Variants in SEC11C observed in about 807,000 individuals in gnomAD.
SEC11C encodes SEC11 homolog C, signal peptidase complex subunit.
SEC11C carries 10 observed loss-of-function variants against 21.9 expected under a neutral mutation model. The ratio of observed to expected loss-of-function variants is 0.46; its 90% CI spans 0.28 to 0.77. SEC11C has a LOEUF of 0.77. Ranked by LOEUF, SEC11C falls within the 30% of genes least tolerant of loss-of-function variation. The probability of loss-of-function intolerance (pLI) is 0.12; values close to 1 mark genes in which losing one functional copy is unlikely to be tolerated. For synonymous variants in SEC11C, 83 were observed against 85.6 expected (o/e 0.97, Z 0.17); for missense variants, 145 against 244.5 (o/e 0.59, Z 2.71).
intron 1 of SEC11C, among the ~76,000 whole-genome samples, chr18:59,141,228 T>C (rs1030912149): frequency 6.6e-6 from 1 of 152,224 alleles, no homozygotes; most frequent in African/African-American, 2.4e-5. Context: ...TTCTATTTCA[T>C]CAACCGTGTT....
chr18:59,157,016 C>G (rs2069425200), intron 4 of SEC11C: 1 of 152,194 alleles, frequency 6.6e-6, no homozygotes, highest in Non-Finnish European at 1.5e-5. Context: ...TGATTGAGAC[C>G]TGGGTCCATC....
At chr18:59,140,157 C>T (rs1351116054) in intron 1 of SEC11C, 122 bp downstream of exon 1, 5 of 811,478 alleles carry the variant, frequency 6.2e-6, no homozygotes, top group Non-Finnish European at 9.4e-6. Flanking sequence ...CCGAAGCTCC[C>T]GCGCTGGGCT....
At chr18:59,155,464 T>C in intron 3 of SEC11C, 1 of 413,492 alleles carries the variant, frequency 2.4e-6, no homozygotes, top group East Asian at 5.0e-5. Context: ...TTGTCAAGGA[T>C]ACTTGAGTGT....
At chr18:59,144,692 T>C (rs901038384) in intron 1 of SEC11C, among the ~76,000 whole-genome samples, 3 of 135,736 alleles carry the variant, frequency 2.2e-5, no homozygotes, top group Non-Finnish European at 4.5e-5. Context: ...ACCACTGCAC[T>C]CTAGCCTAGG....
rs201255536 is a variant in SEC11C, at chr18:59,157,689, T to A, written c.525+24T>A. Reference sequence around the variant, plus strand: ...AGGTAGGAATTTATGTGTGTCTATATTTATTTACTTCGTTAAATATTGGAG... The same window carrying A: ...AGGTAGGAATTTATGTGTGTCTATAATTATTTACTTCGTTAAATATTGGAG... On this transcript the variant is annotated intron_variant, in intron 5 of 5. Coordinates refer to ENST00000587834, the MANE Select transcript of SEC11C (RefSeq NM_033280.4). The A allele has an allele frequency of 2.7e-5, 40 of 1,485,668 alleles. No homozygotes were observed. The East Asian group carries it at 8.8e-4, about 33-fold the overall frequency. The allele number at this position is 1,485,668 out of a possible 1,614,324, so 92.0% of individuals were successfully genotyped here.
At chr18:59,155,932 C>A (rs920100472) in intron 4 of SEC11C, 125 bp downstream of exon 4, 1 of 1,120,990 alleles carries the variant, frequency 8.9e-7, no homozygotes, top group African/African-American at 1.6e-5. Context: ...TTAAGCAGTT[C>A]TAGTTTATCC....
chr18:59,143,488 C>T (rs2069235428), intron 1 of SEC11C, among the ~76,000 whole-genome samples: 1 of 152,096 alleles, frequency 6.6e-6, no homozygotes, highest in Non-Finnish European at 1.5e-5. Context: ...TTGTATCCTT[C>T]ATTATTGCCT....
intron 4 of SEC11C, chr18:59,157,197 A>G (rs1190548504): frequency 1.2e-5 from 2 of 160,872 alleles, no homozygotes; most frequent in East Asian, 1.8e-4. Flanking sequence ...GGAAATGAAA[A>G]TAATTATTTG....
chr18:59,141,998 A>G (rs1047266019), intron 1 of SEC11C, among the ~76,000 whole-genome samples: 3 of 152,216 alleles, frequency 2.0e-5, no homozygotes, highest in Admixed American at 2.0e-4. Context: ...AGTGCTGAGC[A>G]TACAAAGTTG....
rs780196216 is a variant in SEC11C at position 59,139,932 on chromosome 18, T to G, written c.-17T>G. On this transcript the variant is annotated 5_prime_UTR_variant, in exon 1 of 6. Coordinates refer to ENST00000587834, the MANE Select transcript of SEC11C (RefSeq NM_033280.4). ...CACCCAGAGCCGGCGGGCCGCTAGGTCCCCGGAGACCCTGCTATGGTGCGT... is the reference window on the plus strand; with the variant it reads ...CACCCAGAGCCGGCGGGCCGCTAGGGCCCCGGAGACCCTGCTATGGTGCGT... 4 of 1,517,694 alleles carry G rather than the reference T, an allele frequency of 2.6e-6. No homozygotes were observed. The highest frequency in any genetic ancestry group is 3.5e-6 in the Non-Finnish European group (4 of 1,129,152). The allele number at this position is 1,517,694 out of a possible 1,614,324, so 94.0% of individuals were successfully genotyped here. A position where few individuals can be genotyped will look rare whatever the true frequency, so the allele number is the denominator to read the frequency against.
chr18:59,143,499 C>G (rs2069235579), intron 1 of SEC11C, among the ~76,000 whole-genome samples: 1 of 152,108 alleles, frequency 6.6e-6, no homozygotes, highest in South Asian at 2.1e-4. Context: ...ATTATTGCCT[C>G]AAATTACCTA....
At chr18:59,158,029 T>TAC (rs1378767755) in intron 5 of SEC11C, among the ~76,000 whole-genome samples, 2 of 152,120 alleles carry the variant, frequency 1.3e-5, no homozygotes, top group African/African-American at 2.4e-5. Context: ...TGTATATATA[T>TAC]ACACACACAT....
chr18:59,145,636 C>G (rs1481021739), intron 1 of SEC11C, among the ~76,000 whole-genome samples: 1 of 152,168 alleles, frequency 6.6e-6, no homozygotes, highest in Non-Finnish European at 1.5e-5. Context: ...TAGTCTTCAT[C>G]CTCAGAGTAG....
intron 2 of SEC11C, among the ~76,000 whole-genome samples, chr18:59,150,809 A>G (rs1374034670): frequency 6.6e-6 from 1 of 152,118 alleles, no homozygotes; most frequent in Non-Finnish European, 1.5e-5. Context: ...CCCTTAACAG[A>G]TAAGAAACCT....
At chr18:59,147,580 G>A (rs1405676244) in intron 1 of SEC11C, 1 of 152,408 alleles carries the variant, frequency 6.6e-6, no homozygotes, top group Admixed American at 6.5e-5. Context: ...CAGGATGTGA[G>A]CGGCACTGGG....
intron 2 of SEC11C, among the ~76,000 whole-genome samples, chr18:59,150,311 G>A (rs376563580): frequency 1.3e-5 from 2 of 152,178 alleles, no homozygotes; most frequent in Non-Finnish European, 2.9e-5. Context: ...TAACTCGGGC[G>A]GAGTCACAGC....
At chr18:59,158,060 A>G (rs1795442501) in intron 5 of SEC11C, among the ~76,000 whole-genome samples, 1 of 152,028 alleles carries the variant, frequency 6.6e-6, no homozygotes. Context: ...ATATGTGTAT[A>G]TATATATATT....
intron 1 of SEC11C, among the ~76,000 whole-genome samples, chr18:59,148,855 T>C (rs932858397): frequency 1.3e-5 from 2 of 152,190 alleles, no homozygotes; most frequent in African/African-American, 4.8e-5. Flanking sequence ...AACCTTGTGA[T>C]CCACCCGCCT....
Position 59,151,168 on chromosome 18 carries a change from C to T in SEC11C, c.198-1368C>T, listed in dbSNP as rs188226846. Among the ~76,000 whole-genome samples the T allele has an allele frequency of 2.1e-4, 32 of 152,306 alleles. 1 individual carries two copies. In the East Asian group the frequency reaches 6.2e-3, roughly 29 times the overall value. ...CCCTTGATGTCCAACTTCAGGACAC[C>T]TGTGGCCTCTGCAGTCTGTGCAGGG... On this transcript the variant is annotated intron_variant, in intron 2 of 5. Transcript: ENST00000587834.
Sources: allele counts gnomAD v4.1 joint callset (sites outside exome capture counted in the v4.1 genomes callset), GRCh38; gene constraint gnomAD v4.1.1; transcripts MANE v1.5; gene names NCBI Gene and HGNC (gene_info 2026-07-23, HGNC 2026-07-21).